The following NR6A1 variants were observed in gnomAD, a reference collection of about 807,000 sequenced individuals.
The protein encoded by NR6A1 is retinoic acid receptor-related testis-associated receptor.
In NR6A1, 7 loss-of-function variants were observed where a neutral mutation model predicts 59.1. That is an observed-to-expected ratio of 0.12 (90% confidence interval 0.07 to 0.22). The LOEUF (loss-of-function observed/expected upper bound fraction) is 0.22. Among genes scored for constraint, NR6A1 ranks in the 10% least tolerant of loss-of-function variants. The pLI, the probability that NR6A1 is intolerant of heterozygous loss-of-function variation, is 1.00. For missense variants in NR6A1, 468 were observed against 611.6 expected, an observed-to-expected ratio of 0.77 and a Z score of 2.48; for synonymous variants, 243 against 236.1, an observed-to-expected ratio of 1.03 and a Z score of -0.27.
intron 2 of NR6A1, among the ~76,000 whole-genome samples, chr9:124,610,717 A>G (rs889946782): frequency 3.3e-5 from 5 of 152,116 alleles, no homozygotes; most frequent in Non-Finnish European, 7.4e-5. Flanking sequence ...TCAGCTGTAA[A>G]TCCGTCTGGT....
chr9:124,739,039 G>A (rs1840099819), intron 1 of NR6A1, among the ~76,000 whole-genome samples: 1 of 150,356 alleles, frequency 6.7e-6, no homozygotes, highest in Non-Finnish European at 1.5e-5. Flanking sequence ...AATTAGCTGG[G>A]CTAATTTTGG....
chr9:124,615,763 C>G lies in NR6A1; in HGVS notation c.143-61193G>C, dbSNP rs187396366. The stretch of plus-strand genomic sequence containing the variant: ...CTGGAATTCAGACAATTAAAATGAG[C>G]AGTAGCTAGAATGTTTGGAGCCAGA... On this transcript the variant is annotated intron_variant, in intron 2 of 9. Transcript: ENST00000487099. 2.3e-3 allele frequency among the ~76,000 whole-genome samples: 348 copies of G among 152,220 alleles called. 3 individuals carry two copies. Among genetic ancestry groups the G allele is most frequent in the Non-Finnish European group, 4.9e-4 (33 of 68,014 alleles).
Position 124,543,801 on chromosome 9 carries a change from C to A in NR6A1, c.441+1G>T. On this transcript the variant is annotated splice_donor_variant, in intron 4 of 9. Coordinates refer to ENST00000487099, the MANE Select transcript of NR6A1 (RefSeq NM_033334.4). LOFTEE classifies it high-confidence loss of function. ...CACAGAGACTGAGGTCTAGAACTCACCTGGACTGGCCCAATGCTCTTATTC... is the reference window on the plus strand; with the variant it reads ...CACAGAGACTGAGGTCTAGAACTCAACTGGACTGGCCCAATGCTCTTATTC... 6.2e-7 allele frequency: 1 copy of A among 1,613,278 alleles called. No individual in the cohort carries two copies. Among genetic ancestry groups the A allele is most frequent in the Non-Finnish European group, 8.5e-7 (1 of 1,179,666 alleles).
intron 2 of NR6A1, among the ~76,000 whole-genome samples, chr9:124,661,421 G>A (rs1184310063): frequency 1.3e-5 from 2 of 152,174 alleles, no homozygotes; most frequent in Non-Finnish European, 2.9e-5. Context: ...ACAGGAGGAG[G>A]AGACCCTGCA....
At chr9:124,632,047 T>C (rs1836460154) in intron 2 of NR6A1, among the ~76,000 whole-genome samples, 1 of 152,236 alleles carries the variant, frequency 6.6e-6, no homozygotes, top group African/African-American at 2.4e-5. Context: ...TATATGTACA[T>C]TTTCTTTACC....
chr9:124,639,011 G>C (rs997542713), intron 2 of NR6A1, among the ~76,000 whole-genome samples: 3 of 152,200 alleles, frequency 2.0e-5, no homozygotes, highest in Non-Finnish European at 2.9e-5. Flanking sequence ...TAAGCAGAAA[G>C]TGCTAGAAGA....
At chr9:124,574,736 C>A (rs941405480) in intron 2 of NR6A1, among the ~76,000 whole-genome samples, 3 of 152,164 alleles carry the variant, frequency 2.0e-5, no homozygotes, top group Admixed American at 2.0e-4. Flanking sequence ...CTTGGAAATG[C>A]CACATGAAAA....
At chr9:124,690,820 T>C (rs954223017) in intron 2 of NR6A1, among the ~76,000 whole-genome samples, 1 of 152,208 alleles carries the variant, frequency 6.6e-6, no homozygotes, top group Non-Finnish European at 1.5e-5. Context: ...TGCTTGATGA[T>C]AAAAACTAAA....
intron 9 of NR6A1, among the ~76,000 whole-genome samples, chr9:124,523,198 T>G (rs1832842792): frequency 6.6e-6 from 1 of 152,192 alleles, no homozygotes; most frequent in African/African-American, 2.4e-5. Context: ...CCGGTAGATT[T>G]TCTAAGTAAT....
chr9:124,675,009 C>A (rs1461401477), intron 2 of NR6A1, among the ~76,000 whole-genome samples: 1 of 152,200 alleles, frequency 6.6e-6, no homozygotes, highest in Non-Finnish European at 1.5e-5. Context: ...AAGAAAACAT[C>A]TCTTAGGACA....
At chr9:124,686,318 T>C (rs1026135631) in intron 2 of NR6A1, among the ~76,000 whole-genome samples, 4 of 152,232 alleles carry the variant, frequency 2.6e-5, no homozygotes, top group African/African-American at 9.6e-5. Flanking sequence ...GTTTATTTCA[T>C]TAACTGGTTG....
intron 2 of NR6A1, among the ~76,000 whole-genome samples, chr9:124,683,614 T>C (rs1035228531): frequency 6.6e-5 from 10 of 152,084 alleles, no homozygotes; most frequent in African/African-American, 2.4e-4. Context: ...GTCAACATGG[T>C]GAAATCCCAT....
intron 2 of NR6A1, among the ~76,000 whole-genome samples, chr9:124,568,583 AAAGT>A (rs1369377251): frequency 2.2e-4 from 33 of 151,910 alleles, no homozygotes; most frequent in Admixed American, 2.1e-3. Context: ...ACTTGCATGA[AAAGT>A]AAGACAAGTT....
In NR6A1 at chr9:124,741,201, G is replaced by A. The variant is rs1041116102; in HGVS notation, c.101-7852C>T. Among the ~76,000 whole-genome samples, 8 of 152,202 alleles carry A rather than the reference G, an allele frequency of 5.3e-5. No homozygotes were observed. In the East Asian group the frequency reaches 1.3e-3, roughly 26 times the overall value. On this transcript the variant is annotated intron_variant, in intron 1 of 9. Transcript: ENST00000487099. Reference sequence around the variant, plus strand: ...AACTTTACTCTTAATTTAAATGGCCGTATGAGGCTGGTGGCTATGAAACAG... The same window carrying A: ...AACTTTACTCTTAATTTAAATGGCCATATGAGGCTGGTGGCTATGAAACAG...
intron 2 of NR6A1, among the ~76,000 whole-genome samples, chr9:124,617,072 G>A (rs1835916278): frequency 6.6e-6 from 1 of 152,178 alleles, no homozygotes; most frequent in Non-Finnish European, 1.5e-5. Flanking sequence ...CTGATCAGTA[G>A]AGGAAGAGCC....
intron 2 of NR6A1, chr9:124,599,356 T>C (rs1835379721): frequency 2.8e-6 from 1 of 353,174 alleles, no homozygotes; most frequent in Non-Finnish European, 5.3e-6. Flanking sequence ...GAGGCGGAGG[T>C]TGCAGTGAGC....
chr9:124,760,391 G>A (rs1424466029), intron 1 of NR6A1, among the ~76,000 whole-genome samples: 2 of 152,134 alleles, frequency 1.3e-5, no homozygotes, highest in East Asian at 1.9e-4. Context: ...GCAATTCTAA[G>A]AGTGGGTCTT....
chr9:124,713,302 G>GA (rs546232208), intron 2 of NR6A1, among the ~76,000 whole-genome samples: 181 of 143,892 alleles, frequency 1.3e-3, no homozygotes, highest in Middle Eastern at 3.6e-3. Context: ...AAAACTTTTA[G>GA]AAAAAAAAAA....
At chr9:124,658,488 G>A (rs1837327906) in intron 2 of NR6A1, 1 of 152,170 alleles carries the variant, frequency 6.6e-6, no homozygotes, top group Non-Finnish European at 1.5e-5. Context: ...CTGGGTTCCA[G>A]TATCTAATTT....
Sources: allele counts gnomAD v4.1 joint callset (sites outside exome capture counted in the v4.1 genomes callset), GRCh38; gene constraint gnomAD v4.1.1; transcripts MANE v1.5; gene names NCBI Gene and HGNC (gene_info 2026-07-23, HGNC 2026-07-21).